SRGAP1: variants seen among roughly 807,000 people sequenced by gnomAD.
The protein encoded by SRGAP1 is SLIT-ROBO Rho GTPase-activating protein 1.
In SRGAP1, 43 loss-of-function variants were observed where a neutral mutation model predicts 121.9. The observed-to-expected ratio is 0.35, with a 90% CI of 0.28 to 0.46. The LOEUF is 0.46. SRGAP1 is among the 20% of genes least tolerant of loss of function. The pLI is 1.00. For synonymous variants in SRGAP1, 447 were observed against 485.4 expected, an observed-to-expected ratio of 0.92 and a Z score of 1.04; for missense variants, 1,102 against 1,350.9, an observed-to-expected ratio of 0.82 and a Z score of 2.89.
intron 1 of SRGAP1, among the ~76,000 whole-genome samples, chr12:63,860,910 AT>A (rs752484436): frequency 2.7e-5 from 4 of 150,418 alleles, no homozygotes; most frequent in Non-Finnish European, 5.9e-5. Flanking sequence ...ATCATTGTGC[AT>A]TATAGCCTGG....
chr12:64,003,095 G>GGAGGGAAGGAGA (rs1307258546), intron 3 of SRGAP1, among the ~76,000 whole-genome samples: 2 of 142,886 alleles, frequency 1.4e-5, no homozygotes, highest in African/African-American at 5.0e-5. Flanking sequence ...AGGGTGGGAG[G>GGAGGGAAGGAGA]GAGGGAGAAA....
In SRGAP1 at chr12:64,142,702, G is replaced by T. The variant is rs2036986143; in HGVS notation, c.*30G>T. The T allele has an allele frequency of 4.5e-6, 7 of 1,570,916 alleles. No individual in the cohort carries two copies. Among genetic ancestry groups the T allele is most frequent in the Non-Finnish European group, 6.0e-6 (7 of 1,157,470 alleles). On this transcript the variant is annotated 3_prime_UTR_variant, in exon 22 of 22. Coordinates refer to ENST00000355086, the MANE Select transcript of SRGAP1 (RefSeq NM_020762.4). Reference sequence around the variant, plus strand: ...CAGCCAAGCAAGGCCATAAAGGGAGGTGACTTAAAAAAGAAAATGGATTAG... The same window carrying T: ...CAGCCAAGCAAGGCCATAAAGGGAGTTGACTTAAAAAAGAAAATGGATTAG...
Position 64,094,939 on chromosome 12 carries a change from G to T in SRGAP1, c.1547G>T (p.Gly516Val). The change falls in exon 13 of 22, where the codon GGA (glycine) becomes GTA (valine). Residue 516 changes from glycine (G) to valine (V), a missense_variant. Gly to Val is a moderately radical substitution (Grantham distance 109). Coordinates refer to ENST00000355086, the MANE Select transcript of SRGAP1 (RefSeq NM_020762.4). ...TTCCATCCCTTTACCCAGGACTCAG[G>T]ACAGGTTATTCCCCTCATTGTGGAA... ...GDLETFVKDS[G>V]QVIPLIVESC... is the part of the protein sequence containing the mutation. The T allele has an allele frequency of 6.2e-7, 1 of 1,614,048 alleles. No homozygotes were observed. The highest frequency in any genetic ancestry group is 8.5e-7 in the Non-Finnish European group (1 of 1,179,958).
At chr12:64,108,175 A>G (rs1401527145) in intron 15 of SRGAP1, among the ~76,000 whole-genome samples, 3 of 152,202 alleles carry the variant, frequency 2.0e-5, no homozygotes, top group African/African-American at 7.2e-5. Flanking sequence ...GTGTTGTAGT[A>G]GTAACCTTTT....
chr12:63,975,177 G>A (rs147230484), intron 1 of SRGAP1, among the ~76,000 whole-genome samples: 8 of 152,288 alleles, frequency 5.3e-5, no homozygotes, highest in Non-Finnish European at 8.8e-5. Flanking sequence ...TGACCACTTC[G>A]CAGTTAAGGA....
intron 3 of SRGAP1, among the ~76,000 whole-genome samples, chr12:63,997,836 A>G (rs75035222): frequency 0.014 from 2,158 of 152,280 alleles, 64 homozygotes; most frequent in African/African-American, 0.048. Flanking sequence ...TTAAAATAGG[A>G]AGACATGAAA....
chr12:64,106,224 G>A (rs1308980710), intron 15 of SRGAP1, among the ~76,000 whole-genome samples: 4 of 152,106 alleles, frequency 2.6e-5, no homozygotes, highest in East Asian at 1.9e-4. Context: ...AATAAACAGC[G>A]GGAGAAGTTT....
chr12:64,007,563 T>C (rs2136448617), intron 3 of SRGAP1, among the ~76,000 whole-genome samples: 1 of 152,208 alleles, frequency 6.6e-6, no homozygotes, highest in East Asian at 1.9e-4. Context: ...TGGGGACCCC[T>C]GATATAAGGA....
chr12:63,952,804 AT>A (rs1299841244), intron 1 of SRGAP1, among the ~76,000 whole-genome samples: 2 of 151,982 alleles, frequency 1.3e-5, no homozygotes, highest in Admixed American at 1.3e-4. Context: ...AACACTTTTA[AT>A]TTTTTTATTT....
intron 1 of SRGAP1, among the ~76,000 whole-genome samples, chr12:63,929,610 A>G (rs2031394915): frequency 6.6e-6 from 1 of 151,300 alleles, no homozygotes; most frequent in Non-Finnish European, 1.5e-5. Flanking sequence ...TTTCATGAGT[A>G]ATACTGTATG....
rs186399181 is a variant in SRGAP1, at chr12:63,876,049, A to T, written c.67+31166A>T. On this transcript the variant is annotated intron_variant, in intron 1 of 21. Transcript: ENST00000355086. ...GGAAATCCAGAGTAATGCATTTTTT[A>T]AAAAAAGTGTGTTTATTTACATGAA... Among the ~76,000 whole-genome samples, 101 of 152,282 alleles carry T rather than the reference A, an allele frequency of 6.6e-4. 2 individuals are homozygous for T. Among genetic ancestry groups the T allele is most frequent in the Admixed American group, 3.7e-3 (57 of 15,296 alleles).
chr12:63,961,467 G>C (rs1227074354), intron 1 of SRGAP1, among the ~76,000 whole-genome samples: 2 of 152,200 alleles, frequency 1.3e-5, no homozygotes, highest in African/African-American at 2.4e-5. Context: ...AAGCAGTCTT[G>C]GGCTGTATGG....
At chr12:63,990,194 C>T in intron 3 of SRGAP1, 122 bp downstream of exon 3, 1 of 784,370 alleles carries the variant, frequency 1.3e-6, no homozygotes, top group Non-Finnish European at 2.0e-6. Context: ...ACAGAATAAA[C>T]AGTTAAAAAT....
chr12:63,970,809 G>C, intron 1 of SRGAP1, among the ~76,000 whole-genome samples: 1 of 152,064 alleles, frequency 6.6e-6, no homozygotes, highest in East Asian at 1.9e-4. Flanking sequence ...GTCATTTCCT[G>C]ATAATTTCAT....
Position 64,161,138 on chromosome 12 carries a change from C to T in SRGAP1, c.*18466C>T, listed in dbSNP as rs1032711507. 4 of 152,110 alleles carry T rather than the reference C, an allele frequency of 2.6e-5. No individual in the cohort carries two copies. Among genetic ancestry groups the T allele is most frequent in the Admixed American group, 1.3e-4 (2 of 15,270 alleles). 9.4% of individuals were successfully genotyped at this position (152,110 alleles called of 1,614,324 possible). On this transcript the variant is annotated 3_prime_UTR_variant, in exon 22 of 22. Coordinates refer to ENST00000355086, the MANE Select transcript of SRGAP1 (RefSeq NM_020762.4). ...CTTATAATTACTTTTATTTCATTTGCTTAGCTTTCTATGTACATAAGTAGA... is the reference window on the plus strand; with the variant it reads ...CTTATAATTACTTTTATTTCATTTGTTTAGCTTTCTATGTACATAAGTAGA...
At chr12:64,125,283 A>T (rs1433779526) in intron 18 of SRGAP1, among the ~76,000 whole-genome samples, 1 of 152,190 alleles carries the variant, frequency 6.6e-6, no homozygotes, top group African/African-American at 2.4e-5. Context: ...TCTCAAGAAA[A>T]ATAAAAATTT....
intron 1 of SRGAP1, among the ~76,000 whole-genome samples, chr12:63,953,878 G>A (rs908531803): frequency 3.3e-5 from 5 of 152,194 alleles, no homozygotes; most frequent in Non-Finnish European, 5.9e-5. Context: ...CATTTGGAGA[G>A]CTTATCATTG....
chr12:64,023,387 G>C (rs2034592030), intron 4 of SRGAP1, among the ~76,000 whole-genome samples: 1 of 152,060 alleles, frequency 6.6e-6, no homozygotes, highest in African/African-American at 2.4e-5. Context: ...CAGTAAAGAG[G>C]TCATATGAAA....
intron 21 of SRGAP1, among the ~76,000 whole-genome samples, chr12:64,129,071 CTGGTCA>C (rs1441766685): frequency 6.6e-6 from 1 of 151,624 alleles, no homozygotes; most frequent in Non-Finnish European, 1.5e-5. Flanking sequence ...TGAGACAAGC[CTGGTCA>C]ATATAGCAAA....
Sources: gnomAD v4.1 joint callset for allele counts (sites outside exome capture counted in the v4.1 genomes callset) on GRCh38, gnomAD v4.1.1 for gene constraint, MANE v1.5 for transcripts, NCBI Gene and HGNC (gene_info 2026-07-23, HGNC 2026-07-21) for gene names.